SYBU: variants seen among roughly 807,000 people sequenced by gnomAD.
The protein encoded by SYBU is GOLSYN A protein.
Under a neutral mutation model 35.9 loss-of-function variants are expected in SYBU, and 21 were observed. That is an observed-to-expected ratio of 0.58 (90% CI 0.41 to 0.84). SYBU has a LOEUF of 0.84. Ranked by LOEUF, SYBU falls within the 40% of genes least tolerant of loss-of-function variation. The pLI is 0.00. For missense variants in SYBU, 768 were observed against 848.2 expected (o/e 0.91, Z 1.17); for synonymous variants, 319 against 324.3 (o/e 0.98, Z 0.18).
chr8:109,622,157 T>A (rs1812469642), intron 2 of SYBU, among the ~76,000 whole-genome samples: 1 of 152,000 alleles, frequency 6.6e-6, no homozygotes, highest in South Asian at 2.1e-4. Context: ...GACTTCTGCT[T>A]CATTAAACAA....
rs1795710685 is a variant in SYBU, at chr8:109,580,109, G to A, written c.531-107C>T. The stretch of plus-strand genomic sequence containing the variant: ...GAAATCCAATTTATAGAGTTGAAAG[G>A]CGCAATACAATTATTCGTGTAGACT... On this transcript the variant is annotated intron_variant, in intron 4 of 6. Transcript: ENST00000276646. 6 of 1,048,576 alleles carry A rather than the reference G, an allele frequency of 5.7e-6. No homozygotes were observed. The East Asian group carries it at 1.2e-4, about 21-fold the overall frequency. The allele number at this position is 1,048,576 out of a possible 1,614,324, so 65.0% of individuals were successfully genotyped here.
intron 1 of SYBU, among the ~76,000 whole-genome samples, chr8:109,688,682 G>T (rs1177576180): frequency 6.7e-6 from 1 of 150,178 alleles, no homozygotes; most frequent in African/African-American, 2.4e-5. Context: ...TCTGCTTGGT[G>T]ATATCTCTGG....
At chr8:109,644,180 G>C in intron 1 of SYBU, 1 of 461,566 alleles carries the variant, frequency 2.2e-6, no homozygotes, top group Non-Finnish European at 4.3e-6. Flanking sequence ...GCCGCCAGCC[G>C]CACGCAGCCT....
intron 1 of SYBU, among the ~76,000 whole-genome samples, chr8:109,669,350 A>C (rs1407999928): frequency 6.7e-6 from 1 of 150,220 alleles, no homozygotes; most frequent in Non-Finnish European, 1.5e-5. Flanking sequence ...AAAAAAAAAA[A>C]AAAAAAAAAA....
At chr8:109,582,280 A>T (rs1305828289) in intron 4 of SYBU, among the ~76,000 whole-genome samples, 1 of 152,210 alleles carries the variant, frequency 6.6e-6, no homozygotes, top group African/African-American at 2.4e-5. Flanking sequence ...TTTTAAAAAG[A>T]AGCAACATGC....
At chr8:109,670,844 T>C (rs1232303960) in intron 1 of SYBU, among the ~76,000 whole-genome samples, 1 of 152,110 alleles carries the variant, frequency 6.6e-6, no homozygotes, top group African/African-American at 2.4e-5. Context: ...TTAATTGTTT[T>C]CTCTAAAGAA....
intron 5 of SYBU, 116 bp from the exon 6 acceptor site, chr8:109,578,133 G>T: frequency 8.4e-7 from 1 of 1,183,826 alleles, no homozygotes. Context: ...TTCATATGTT[G>T]AACTTCTTAC....
Position 109,599,563 on chromosome 8 carries a change from ATCTG to A in SYBU, c.428-13405_428-13402del, listed in dbSNP as rs1825279777. Among the ~76,000 whole-genome samples the A allele has an allele frequency of 2.6e-5, 4 of 152,168 alleles. No individual in the cohort carries two copies. In the South Asian group the frequency reaches 8.3e-4, roughly 32 times the overall value. ...TACAACAAATGCTTCTTGTTTTCAA[ATCTG>A]TCTGTTTAGTAACTGTGTCATCTGT... On this transcript the variant is annotated intron_variant, in intron 3 of 6. Transcript: ENST00000276646.
chr8:109,574,960 A>G lies in SYBU; in HGVS notation c.1938T>C (p.Cys646=), dbSNP rs2131158409. Residue 646 remains cysteine (C), a synonymous_variant, in exon 7 of 7, where the codon TGT becomes TGC. Transcript: ENST00000276646. The part of the protein sequence containing the change: ...VYNIGALLRG[C]CVVALHSLRR... ...GGAGCGAATGCAGGGCAACCACGCA[A>G]CAGCCCCTGAGCAAGGCCCCGATGT... The G allele has an allele frequency of 6.6e-7, 1 of 1,521,462 alleles. No homozygotes were observed. Among genetic ancestry groups the G allele is most frequent in the Non-Finnish European group, 8.8e-7 (1 of 1,135,618 alleles). The allele number at this position is 1,521,462 out of a possible 1,614,324, so 94.2% of individuals were successfully genotyped here.
intron 2 of SYBU, among the ~76,000 whole-genome samples, chr8:109,634,276 T>G (rs1476176462): frequency 1.3e-5 from 2 of 152,110 alleles, no homozygotes; most frequent in Admixed American, 1.3e-4. Flanking sequence ...ATTTTCTGGT[T>G]TTCTTAGCAA....
intron 2 of SYBU, among the ~76,000 whole-genome samples, chr8:109,641,074 T>C (rs1407241800): frequency 1.3e-5 from 2 of 152,176 alleles, no homozygotes; most frequent in East Asian, 3.9e-4. Context: ...CTAAATAAGT[T>C]CTAAAACATT....
Position 109,644,751 on chromosome 8 carries a change from G to T in SYBU, c.-92C>A, listed in dbSNP as rs1234961514. ...CGGAGCGAGGAGACTGCGCTGAGCC[G>T]GCGCGGGCTGCGGGCGGCGGCTCTT... On this transcript the variant is annotated 5_prime_UTR_variant, in exon 1 of 7. Coordinates refer to ENST00000276646, the MANE Select transcript of SYBU (RefSeq NM_001099754.2). 3 of 1,242,952 alleles carry T rather than the reference G, an allele frequency of 2.4e-6. No individual in the cohort carries two copies. In the African/African-American group the frequency reaches 4.8e-5, roughly 20 times the overall value. The allele number at this position is 1,242,952 out of a possible 1,614,324, so 77.0% of individuals were successfully genotyped here. A position where few individuals can be genotyped will look rare whatever the true frequency, so the allele number is the denominator to read the frequency against.
At chr8:109,685,977 T>C (rs1415819339), upstream of SYBU, among the ~76,000 whole-genome samples, 1 of 152,188 alleles carries the variant, frequency 6.6e-6, no homozygotes, top group African/African-American at 2.4e-5. Context: ...GTACTTCAGA[T>C]AGGTTAAAAA....
chr8:109,683,121 G>A (rs557498374), upstream of SYBU, among the ~76,000 whole-genome samples: 17 of 152,310 alleles, frequency 1.1e-4, no homozygotes, highest in South Asian at 3.5e-3. Flanking sequence ...AGAGAAATGT[G>A]GGGTTGGGGG....
chr8:109,580,207 C>T, intron 4 of SYBU: 1 of 562,508 alleles, frequency 1.8e-6, no homozygotes, highest in South Asian at 2.2e-5. Context: ...AGCAACCTCT[C>T]CCTCTGTTGT....
intron 3 of SYBU, among the ~76,000 whole-genome samples, chr8:109,610,409 A>G (rs1811043545): frequency 6.6e-6 from 1 of 152,258 alleles, no homozygotes; most frequent in Non-Finnish European, 1.5e-5. Context: ...TATGTTTAGC[A>G]GAAACCTCTT....
At chr8:109,619,697 T>C (rs1369328940) in intron 2 of SYBU, among the ~76,000 whole-genome samples, 2 of 152,208 alleles carry the variant, frequency 1.3e-5, no homozygotes, top group Non-Finnish European at 2.9e-5. Flanking sequence ...ATCTTTAGGG[T>C]GAACTCTTCA....
chr8:109,575,370 G>A lies in SYBU; in HGVS notation c.1528C>T (p.Leu510Phe). Residue 510 changes from leucine (L) to phenylalanine (F), a missense_variant, in exon 7 of 7, where the codon CTC becomes TTC. Physicochemically the swap from Leu to Phe is conservative, Grantham distance 22. Coordinates refer to ENST00000276646, the MANE Select transcript of SYBU (RefSeq NM_001099754.2). The part of the protein sequence containing the change: ...SELIQSVLQK[L>F]QDPCPSSLAS... ...AAGCTCGAGGGACAGGGGTCCTGGA[G>A]CTTCTGCAGCACACTCTGAATGAGC... 6.2e-7 allele frequency: 1 copy of A among 1,614,130 alleles called. No individual in the cohort carries two copies. Among genetic ancestry groups the A allele is most frequent in the Non-Finnish European group, 8.5e-7 (1 of 1,180,028 alleles).
chr8:109,682,980 G>A (rs1221641872), upstream of SYBU, among the ~76,000 whole-genome samples: 1 of 152,224 alleles, frequency 6.6e-6, no homozygotes, highest in African/African-American at 2.4e-5. Flanking sequence ...TGGGTGCATA[G>A]AAGTCAAGAA....
Sources: allele counts gnomAD v4.1 joint callset (sites outside exome capture counted in the v4.1 genomes callset), GRCh38; gene constraint gnomAD v4.1.1; transcripts MANE v1.5; gene names NCBI Gene and HGNC (gene_info 2026-07-23, HGNC 2026-07-21).